The following GCSAM variants were observed in gnomAD, a reference collection of about 807,000 sequenced individuals.
GCSAM encodes the protein germinal center associated signaling and motility.
Under a neutral mutation model 17.6 loss-of-function variants are expected in GCSAM, and 8 were observed. The ratio of observed to expected loss-of-function variants is 0.46; its 90% CI spans 0.27 to 0.82. GCSAM has a LOEUF of 0.82. GCSAM is among the 40% of genes least tolerant of loss of function. The probability of loss-of-function intolerance (pLI) is 0.15; values close to 1 mark genes in which losing one functional copy is unlikely to be tolerated. For missense variants in GCSAM, 192 were observed against 213.5 expected (o/e 0.90, Z 0.63); for synonymous variants, 68 against 69.0 (o/e 0.98, Z 0.07).
chr3:112,125,345 G>A, intron 4 of GCSAM, 91 bp from the exon 5 acceptor site: 2 of 877,282 alleles, frequency 2.3e-6, no homozygotes, highest in Non-Finnish European at 3.8e-6. Context: ...TAACTAAAAA[G>A]CCAAGAAACA....
rs2074210470 is a variant in GCSAM, at chr3:112,122,011, C to G, written c.*1444G>C. The stretch of plus-strand genomic sequence containing the variant: ...TATTTTAGCATCCCTAAAATTAGGA[C>G]AGTAGCCGTGAGTTAAATAAAACAG... On this transcript the variant is annotated 3_prime_UTR_variant, in exon 6 of 6. Coordinates refer to ENST00000308910, the MANE Select transcript of GCSAM (RefSeq NM_152785.5). 1.3e-5 allele frequency: 2 copies of G among 152,158 alleles called. No individual in the cohort carries two copies. The highest frequency in any genetic ancestry group is 4.8e-5 in the African/African-American group (2 of 41,440). The allele number at this position is 152,158 out of a possible 1,614,324, so 9.4% of individuals were successfully genotyped here. A position where few individuals can be genotyped will look rare whatever the true frequency, so the allele number is the denominator to read the frequency against.
chr3:112,131,333 G>A (rs1426179560), intron 1 of GCSAM, among the ~76,000 whole-genome samples: 1 of 152,078 alleles, frequency 6.6e-6, no homozygotes, highest in Non-Finnish European at 1.5e-5. Context: ...TCTATTCTGT[G>A]CAAAATTTCC....
intron 1 of GCSAM, chr3:112,130,863 A>G (rs2107814335): frequency 3.3e-6 from 1 of 306,586 alleles, no homozygotes; most frequent in Non-Finnish European, 6.3e-6. Flanking sequence ...TCTTTGGTGC[A>G]GTTCCAGGAG....
rs1262890530 is a variant in GCSAM at position 112,121,935 on chromosome 3, T to C, written c.*1520A>G. 6.6e-6 allele frequency: 1 copy of C among 152,232 alleles called. No homozygotes were observed. Among genetic ancestry groups the C allele is most frequent in the South Asian group, 2.1e-4 (1 of 4,834 alleles). The allele number at this position is 152,232 out of a possible 1,614,324, so 9.4% of individuals were successfully genotyped here. On this transcript the variant is annotated 3_prime_UTR_variant, in exon 6 of 6. Transcript: ENST00000308910. ...TTAGCTGGTCCAAGGGCCTGTCTAG[T>C]AAACATAATGTACCTACTGCTTTCT... is the stretch of plus-strand genomic sequence containing the variant.
intron 4 of GCSAM, 27 bp downstream of exon 4, chr3:112,126,959 TG>T: frequency 1.3e-6 from 2 of 1,500,226 alleles, no homozygotes; most frequent in Non-Finnish European, 1.9e-6. Context: ...TTATCAAAAG[TG>T]AAAATACTAG....
rs755336277 is a variant in GCSAM at position 112,123,146 on chromosome 3, AG to A, written c.*308del. On this transcript the variant is annotated 3_prime_UTR_variant, in exon 6 of 6. Transcript: ENST00000308910. ...AAGAAGATCCCAGACAGAAGAGCAGAGCCCCTTGTGGTGTGCATAGCTTTAG... is the reference window on the plus strand; with the variant it reads ...AAGAAGATCCCAGACAGAAGAGCAGACCCCTTGTGGTGTGCATAGCTTTAG... 5.6e-6 allele frequency: 2 copies of A among 358,256 alleles called. No homozygotes were observed. The highest frequency in any genetic ancestry group is 5.1e-6 in the Non-Finnish European group (1 of 195,396). 22.2% of individuals were successfully genotyped at this position (358,256 alleles called of 1,614,324 possible).
chr3:112,126,054 A>C (rs920820897), intron 4 of GCSAM, among the ~76,000 whole-genome samples: 6 of 152,198 alleles, frequency 3.9e-5, no homozygotes, highest in Admixed American at 2.0e-4. Flanking sequence ...CCACATCTCC[A>C]TAAGCTCCTA....
chr3:112,128,856 T>C (rs545135839), intron 2 of GCSAM: 49 of 152,422 alleles, frequency 3.2e-4, no homozygotes, highest in Non-Finnish European at 5.6e-4. Context: ...ACTACCTACA[T>C]GGTTGAATGT....
chr3:112,128,725 A>G (rs78688598), intron 2 of GCSAM: 7,681 of 162,154 alleles, frequency 0.047, 249 homozygotes, highest in African/African-American at 0.096. Flanking sequence ...CCAACGATAT[A>G]GTTAAATAAC....
In GCSAM at chr3:112,127,124, G is replaced by A. The variant is rs553726515; in HGVS notation, c.144-91C>T. On this transcript the variant is annotated intron_variant, in intron 3 of 5. Coordinates refer to ENST00000308910, the MANE Select transcript of GCSAM (RefSeq NM_152785.5). Reference sequence around the variant, plus strand: ...CTACAAAACTTACTTTTAACTCTTTGTTAAAGTTATATACCTTTTATAATA... The same window carrying A: ...CTACAAAACTTACTTTTAACTCTTTATTAAAGTTATATACCTTTTATAATA... The A allele has an allele frequency of 4.4e-5, 35 of 799,136 alleles. No individual in the cohort carries two copies. The African/African-American group carries it at 5.2e-4, about 12-fold the overall frequency. 49.5% of individuals were successfully genotyped at this position (799,136 alleles called of 1,614,324 possible).
chr3:112,131,986 C>T (rs906230863), intron 1 of GCSAM, among the ~76,000 whole-genome samples: 1 of 151,944 alleles, frequency 6.6e-6, no homozygotes, highest in Non-Finnish European at 1.5e-5. Context: ...TTTTTTTGCA[C>T]TTATTCAGTG....
rs2107795352 is a variant in GCSAM, at chr3:112,121,397, T to C, written c.*2058A>G. 6.6e-6 allele frequency: 1 copy of C among 152,350 alleles called. No homozygotes were observed. The highest frequency in any genetic ancestry group is 2.1e-4 in the South Asian group (1 of 4,832). The allele number at this position is 152,350 out of a possible 1,614,324, so 9.4% of individuals were successfully genotyped here. A position where few individuals can be genotyped will look rare whatever the true frequency, so the allele number is the denominator to read the frequency against. On this transcript the variant is annotated 3_prime_UTR_variant, in exon 6 of 6. Coordinates refer to ENST00000308910, the MANE Select transcript of GCSAM (RefSeq NM_152785.5). ...AAAAGATTTTTGTTTCTCTATGCTC[T>C]TTGATATCATTTATTCGGCATCTGT...
chr3:112,126,400 TCA>T (rs986366910), intron 4 of GCSAM, among the ~76,000 whole-genome samples: 9 of 152,304 alleles, frequency 5.9e-5, no homozygotes, highest in African/African-American at 2.2e-4. Context: ...ATACAATTCA[TCA>T]CACTCTCCTT....
At position 112,123,674 on chromosome 3, in the gene GCSAM, G is replaced by T; in HGVS notation, c.318C>A (p.Tyr106Ter). 1 of 1,614,042 alleles carries T rather than the reference G, an allele frequency of 6.2e-7. No individual in the cohort carries two copies. The highest frequency in any genetic ancestry group is 2.2e-5 in the East Asian group (1 of 44,888). The change falls in exon 6 of 6, where the codon TAC (tyrosine) becomes TAA (stop). Residue 106 changes from tyrosine to a stop codon, truncating the protein, a stop_gained. Transcript: ENST00000308910. LOFTEE classifies it low-confidence loss of function (END_TRUNC). ...CAGCTTTGCAGGGAACATTCTCATAGTACTCTTCAGCAGAGTTCCCTGATG... is the reference window on the plus strand; with the variant it reads ...CAGCTTTGCAGGGAACATTCTCATATTACTCTTCAGCAGAGTTCCCTGATG... ...TRPSGNSAEE[Y>*]YENVPCKAER...
intron 4 of GCSAM, 68 bp downstream of exon 4, chr3:112,126,919 T>C (rs1576165087): frequency 9.3e-7 from 1 of 1,075,796 alleles, no homozygotes; most frequent in East Asian, 2.4e-5. Context: ...TTTGGGAACA[T>C]AGAGAAGAAG....
intron 4 of GCSAM, among the ~76,000 whole-genome samples, chr3:112,126,583 C>T (rs2074325394): frequency 6.6e-6 from 1 of 152,200 alleles, no homozygotes; most frequent in Non-Finnish European, 1.5e-5. Context: ...TTGCCCCCGC[C>T]TCCCCACTGT....
intron 4 of GCSAM, 104 bp from the exon 5 acceptor site, chr3:112,125,358 T>G: frequency 1.3e-6 from 1 of 786,452 alleles, no homozygotes; most frequent in African/African-American, 1.7e-5. Context: ...AAGAAACAGC[T>G]GGGGTAGCTC....
At position 112,127,034 on chromosome 3, in the gene GCSAM, C is replaced by G. The variant is rs774570948; in HGVS notation, c.144-1G>C. Reference sequence around the variant, plus strand: ...CTTTTCAAAAATGAGTATTTTTTTCCTGTAAAAGAAAAGCAAAGCAAATTG... The same window carrying G: ...CTTTTCAAAAATGAGTATTTTTTTCGTGTAAAAGAAAAGCAAAGCAAATTG... On this transcript the variant is annotated splice_acceptor_variant, in intron 3 of 5. Coordinates refer to ENST00000308910, the MANE Select transcript of GCSAM (RefSeq NM_152785.5). LOFTEE classifies it high-confidence loss of function. 3.2e-6 allele frequency: 5 copies of G among 1,574,744 alleles called. No individual in the cohort carries two copies. In the South Asian group the frequency reaches 5.7e-5, roughly 18 times the overall value.
Position 112,121,178 on chromosome 3 carries a change from G to A in GCSAM, c.*2277C>T, listed in dbSNP as rs912899508. Reference sequence around the variant, plus strand: ...TTTGGGACAGATAATGCTTTCACAGGATAAGGTTCAAACAAATATAACTTA... The same window carrying A: ...TTTGGGACAGATAATGCTTTCACAGAATAAGGTTCAAACAAATATAACTTA... On this transcript the variant is annotated 3_prime_UTR_variant, in exon 6 of 6. Coordinates refer to ENST00000308910, the MANE Select transcript of GCSAM (RefSeq NM_152785.5). 6.6e-6 allele frequency: 1 copy of A among 152,130 alleles called. No homozygotes were observed. The highest frequency in any genetic ancestry group is 1.5e-5 in the Non-Finnish European group (1 of 68,036). 9.4% of individuals were successfully genotyped at this position (152,130 alleles called of 1,614,324 possible).
Sources: allele counts gnomAD v4.1 joint callset (sites outside exome capture counted in the v4.1 genomes callset), GRCh38; gene constraint gnomAD v4.1.1; transcripts MANE v1.5; gene names NCBI Gene and HGNC (gene_info 2026-07-23, HGNC 2026-07-21).